Variants in DHRSX observed in about 807,000 individuals in gnomAD.
The protein encoded by DHRSX is polyprenol dehydrogenase.
A neutral mutation model predicts 34.0 loss-of-function variants in DHRSX; 31 were observed. That is an observed-to-expected ratio of 0.91 (90% CI 0.69 to 1.23). The LOEUF is 1.23. Ranked by LOEUF, DHRSX falls within the 50% of genes most tolerant of loss-of-function variation. The pLI is 0.00. For synonymous variants in DHRSX, 201 were observed against 183.8 expected (o/e 1.09, Z -0.76); for missense variants, 414 against 428.1 (o/e 0.97, Z 0.29).
At chrX:2,434,911 C>T (rs1474897103) in intron 1 of DHRSX, among the ~76,000 whole-genome samples, 1 of 152,122 alleles carries the variant, frequency 6.6e-6, no homozygotes, top group Non-Finnish European at 1.5e-5. Context: ...TTGGATGGCT[C>T]TCCAGGGAAT....
intron 5 of DHRSX, among the ~76,000 whole-genome samples, chrX:2,258,825 C>T (rs1432942984): frequency 1.3e-5 from 2 of 152,228 alleles, no homozygotes; most frequent in South Asian, 4.1e-4. Context: ...TGTTAACACT[C>T]TCTCATTATC....
At chrX:2,360,988 G>A (rs1234915500) in intron 3 of DHRSX, among the ~76,000 whole-genome samples, 1 of 152,182 alleles carries the variant, frequency 6.6e-6, no homozygotes, top group African/African-American at 2.4e-5. Flanking sequence ...TGTGTGTTTA[G>A]TGATGATAAG....
intron 6 of DHRSX, among the ~76,000 whole-genome samples, chrX:2,226,133 C>A (rs1442854860): frequency 3.3e-5 from 5 of 152,114 alleles, no homozygotes; most frequent in Non-Finnish European, 7.3e-5. Flanking sequence ...GGCTGGCAAC[C>A]CCGGCAGATG....
intron 3 of DHRSX, among the ~76,000 whole-genome samples, chrX:2,324,013 C>T (rs1169480102): frequency 1.3e-5 from 2 of 149,860 alleles, no homozygotes; most frequent in African/African-American, 2.5e-5. Flanking sequence ...GCCATGATCA[C>T]ACCACTGCAC....
At chrX:2,420,502 T>C (rs2043765648) in intron 2 of DHRSX, among the ~76,000 whole-genome samples, 1 of 151,882 alleles carries the variant, frequency 6.6e-6, no homozygotes, top group South Asian at 2.1e-4. Context: ...ACCAGCATTT[T>C]GGGAGGCTGA....
chrX:2,266,977 A>G lies in DHRSX; in HGVS notation c.389-30T>C, dbSNP rs776333291. 3.1e-6 allele frequency: 5 copies of G among 1,606,670 alleles called. No homozygotes were observed. In the South Asian group the frequency reaches 3.3e-5, roughly 11 times the overall value. ...ACAAAAGAGAATATCAGAAGGAGTT[A>G]GACTGGGGAAGACAGTGGAGAAATC... On this transcript the variant is annotated intron_variant, in intron 4 of 6. Transcript: ENST00000334651.
chrX:2,345,862 C>G (rs2042702286), intron 3 of DHRSX, among the ~76,000 whole-genome samples: 1 of 152,130 alleles, frequency 6.6e-6, no homozygotes, highest in African/African-American at 2.4e-5. Flanking sequence ...GCTGGCTGGT[C>G]TACCCCATAC....
intron 3 of DHRSX, among the ~76,000 whole-genome samples, chrX:2,360,613 C>T (rs954914532): frequency 6.6e-6 from 1 of 151,864 alleles, no homozygotes; most frequent in African/African-American, 2.4e-5. Context: ...ACACATCACC[C>T]ACCATTTCTT....
rs887516466 is a variant in DHRSX, at chrX:2,492,436, G to A, written c.109+8381C>T. 1.7e-4 allele frequency among the ~76,000 whole-genome samples: 26 copies of A among 151,574 alleles called. 1 individual carries two copies. Among genetic ancestry groups the A allele is most frequent in the Non-Finnish European group, 1.0e-4 (7 of 67,884 alleles). ...GATCCTCCTCTAGAGCCTCCACAAT[G>A]AACTGGATAAAATCATGGTGGATTG... is the stretch of plus-strand genomic sequence containing the variant. On this transcript the variant is annotated intron_variant, in intron 1 of 6. Transcript: ENST00000334651.
At chrX:2,418,475 A>G (rs1388203370) in intron 2 of DHRSX, among the ~76,000 whole-genome samples, 1 of 152,214 alleles carries the variant, frequency 6.6e-6, no homozygotes, top group African/African-American at 2.4e-5. Context: ...AAAAAAGCAC[A>G]AAGAAATGGG....
At chrX:2,282,932 T>G (rs2041746101) in intron 4 of DHRSX, among the ~76,000 whole-genome samples, 3 of 138,800 alleles carry the variant, frequency 2.2e-5, no homozygotes, top group South Asian at 2.3e-4. Flanking sequence ...GAAGCGGGGA[T>G]GGGGTAGACT....
chrX:2,351,287 G>A (rs935647644), intron 3 of DHRSX, among the ~76,000 whole-genome samples: 6 of 152,094 alleles, frequency 3.9e-5, no homozygotes, highest in East Asian at 3.8e-4. Flanking sequence ...GTAAATGTTC[G>A]GCTACATCGT....
At position 2,490,179 on chromosome X, in the gene DHRSX, G is replaced by A. The variant is rs1439479599; in HGVS notation, c.109+10638C>T. 4 of 1,613,822 alleles carry A rather than the reference G, an allele frequency of 2.5e-6. No individual in the cohort carries two copies. In the African/African-American group the frequency reaches 4.0e-5, roughly 16 times the overall value. On this transcript the variant is annotated intron_variant, in intron 1 of 6. Coordinates refer to ENST00000334651, the MANE Select transcript of DHRSX (RefSeq NM_145177.3). Reference sequence around the variant, plus strand: ...GCCAGCTCCTTCAGGATCACCTCCCGGACGGCCCCGTACTTCTCAGGGATG... The same window carrying A: ...GCCAGCTCCTTCAGGATCACCTCCCAGACGGCCCCGTACTTCTCAGGGATG...
chrX:2,346,544 C>A (rs1192092046), intron 3 of DHRSX, among the ~76,000 whole-genome samples: 2 of 152,056 alleles, frequency 1.3e-5, no homozygotes, highest in Non-Finnish European at 2.9e-5. Context: ...TTTGGAAAGC[C>A]TCCCATAGCT....
At chrX:2,259,395 GATAT>G (rs34990707) in intron 5 of DHRSX, among the ~76,000 whole-genome samples, 3 of 124,080 alleles carry the variant, frequency 2.4e-5, no homozygotes, top group South Asian at 2.3e-4. Flanking sequence ...TAGATATATA[GATAT>G]ATATATAGAT....
chrX:2,255,709 G>A (rs944350068), intron 5 of DHRSX, among the ~76,000 whole-genome samples: 8 of 151,662 alleles, frequency 5.3e-5, no homozygotes, highest in African/African-American at 1.9e-4. Context: ...TCAGGAGTTC[G>A]AGACCAGCCT....
intron 5 of DHRSX, among the ~76,000 whole-genome samples, chrX:2,255,492 A>G (rs1407846097): frequency 2.0e-5 from 3 of 152,206 alleles, no homozygotes; most frequent in Admixed American, 6.6e-5. Flanking sequence ...GAAGTCACCC[A>G]AAGTTACATA....
chrX:2,254,944 A>ACC (rs1338441110), intron 5 of DHRSX, among the ~76,000 whole-genome samples: 5 of 89,340 alleles, frequency 5.6e-5, no homozygotes, highest in African/African-American at 2.6e-4. Context: ...TGCCTGCCCC[A>ACC]CGCCCCCCCC....
intron 4 of DHRSX, among the ~76,000 whole-genome samples, chrX:2,283,633 G>C (rs1266115343): frequency 6.6e-6 from 1 of 152,102 alleles, no homozygotes; most frequent in Non-Finnish European, 1.5e-5. Context: ...TCAGTCTTCT[G>C]TTGATGCAGA....
Sources: gnomAD v4.1 joint callset for allele counts (sites outside exome capture counted in the v4.1 genomes callset) on GRCh38, gnomAD v4.1.1 for gene constraint, MANE v1.5 for transcripts, NCBI Gene and HGNC (gene_info 2026-07-23, HGNC 2026-07-21) for gene names.